REDIC1: variants seen among roughly 807,000 people sequenced by gnomAD.
The protein encoded by REDIC1 is regulator of DNA class I crossover intermediates 1, also known as HEI10 Interacting Protein 1.
the REDIC1 span, among the ~76,000 whole-genome samples, chr12:39,761,295 A>G: frequency 6.6e-6 from 1 of 151,996 alleles, no homozygotes; most frequent in Non-Finnish European, 1.5e-5. Flanking sequence ...GCAGTTTATG[A>G]TTCTGTAAAT....
the REDIC1 span, chr12:39,641,014 A>G: frequency 1.9e-6 from 3 of 1,600,460 alleles, no homozygotes; most frequent in Non-Finnish European, 2.6e-6. Flanking sequence ...AAGTGTTTTT[A>G]TTTTTGTCAG....
chr12:39,873,888 G>T, the REDIC1 span, among the ~76,000 whole-genome samples: 1 of 152,072 alleles, frequency 6.6e-6, no homozygotes, highest in Admixed American at 6.6e-5. Context: ...TAGCACCTCC[G>T]TGTCTTCTGT....
the REDIC1 span, among the ~76,000 whole-genome samples, chr12:39,727,922 A>T: frequency 6.6e-6 from 1 of 152,146 alleles, no homozygotes; most frequent in African/African-American, 2.4e-5. Flanking sequence ...GCAATTGTGA[A>T]TGAGAGTTCA....
At chr12:39,789,454 C>T in the REDIC1 span, among the ~76,000 whole-genome samples, 1 of 152,020 alleles carries the variant, frequency 6.6e-6, no homozygotes, top group Non-Finnish European at 1.5e-5. Context: ...GTATACATCC[C>T]CCTACTCATT....
the REDIC1 span, among the ~76,000 whole-genome samples, chr12:39,643,165 C>G: frequency 1.3e-4 from 19 of 150,978 alleles, no homozygotes. Context: ...AATGATGTAA[C>G]CTGAAAGAAA....
the REDIC1 span, among the ~76,000 whole-genome samples, chr12:39,712,153 C>CATGTATATGTAAATGTATATATACCTGT: frequency 1.1e-5 from 1 of 95,072 alleles, no homozygotes. Flanking sequence ...TACATCTATA[C>CATGTATATGTAAATGTATATATACCTGT]ATGTATATGT....
the REDIC1 span, among the ~76,000 whole-genome samples, chr12:39,666,365 C>A: frequency 6.6e-6 from 1 of 152,044 alleles, no homozygotes; most frequent in Non-Finnish European, 1.5e-5. Flanking sequence ...TGCTGGATTA[C>A]GTTTATTGAT....
chr12:39,803,345 T>C, the REDIC1 span, among the ~76,000 whole-genome samples: 29,261 of 152,008 alleles, frequency 0.19, 3,039 homozygotes, highest in South Asian at 0.3. Flanking sequence ...CCGTGATCAG[T>C]AGCCAGTAGA....
the REDIC1 span, chr12:39,682,477 T>C: frequency 4.1e-6 from 2 of 482,354 alleles, no homozygotes; most frequent in Non-Finnish European, 6.6e-6. Context: ...TTTATTTAAA[T>C]ATAAAAAATA....
the REDIC1 span, among the ~76,000 whole-genome samples, chr12:39,714,259 A>G: frequency 5.6e-5 from 8 of 143,504 alleles, 1 homozygote; most frequent in African/African-American, 1.8e-4. Context: ...ACGTATATGC[A>G]TGCATATATG....
chr12:39,760,388 A>G, the REDIC1 span: 2 of 673,108 alleles, frequency 3.0e-6, no homozygotes, highest in Non-Finnish European at 4.9e-6. Context: ...AAAAATTACT[A>G]TGAACCTGGT....
the REDIC1 span, among the ~76,000 whole-genome samples, chr12:39,705,508 G>A: frequency 6.6e-6 from 1 of 152,110 alleles, no homozygotes; most frequent in South Asian, 2.1e-4. Context: ...AAGACATCAA[G>A]AAAAGAAAAC....
At chr12:39,715,697 C>G in the REDIC1 span, among the ~76,000 whole-genome samples, 2 of 151,850 alleles carry the variant, frequency 1.3e-5, no homozygotes, top group African/African-American at 4.8e-5. Flanking sequence ...CCATGGTCAC[C>G]AAAACGAGTG....
chr12:39,694,427 T>G, the REDIC1 span, among the ~76,000 whole-genome samples: 1 of 80,592 alleles, frequency 1.2e-5, no homozygotes, highest in Non-Finnish European at 3.5e-5. Flanking sequence ...TGATTCTGTG[T>G]ACTGGGGAGA....
chr12:39,740,362 T>G, the REDIC1 span, among the ~76,000 whole-genome samples: 2 of 152,338 alleles, frequency 1.3e-5, no homozygotes, highest in Admixed American at 1.3e-4. Flanking sequence ...CAAGCCAATC[T>G]TCTTTCCTAT....
chr12:39,864,619 C>T, the REDIC1 span: 4 of 1,140,216 alleles, frequency 3.5e-6, no homozygotes, highest in Admixed American at 7.3e-5. Context: ...CCCTCTCTAC[C>T]ACCTTTCCCA....
chr12:39,627,729 A>G, the REDIC1 span, among the ~76,000 whole-genome samples: 1 of 152,190 alleles, frequency 6.6e-6, no homozygotes, highest in Non-Finnish European at 1.5e-5. Context: ...TTAAATTTAT[A>G]CAAACGTCGA....
chr12:39,690,733 G>A, the REDIC1 span, among the ~76,000 whole-genome samples: 1 of 151,992 alleles, frequency 6.6e-6, no homozygotes, highest in Admixed American at 6.6e-5. Flanking sequence ...TTGGAGCAAA[G>A]ACCATATAAA....
At chr12:39,766,603 T>A in the REDIC1 span, among the ~76,000 whole-genome samples, 1 of 152,036 alleles carries the variant, frequency 6.6e-6, no homozygotes, top group African/African-American at 2.4e-5. Context: ...ACTAAATATT[T>A]CTCTGTAGCA....
Sources: gnomAD v4.1 joint callset for allele counts (sites outside exome capture counted in the v4.1 genomes callset) on GRCh38, gnomAD v4.1.1 for gene constraint, MANE v1.5 for transcripts, NCBI Gene and HGNC (gene_info 2026-07-23, HGNC 2026-07-21) for gene names.